The following ITGB3BP variants were observed in gnomAD, a reference collection of about 807,000 sequenced individuals.
The protein encoded by ITGB3BP is integrin subunit beta 3 binding protein.
In ITGB3BP, 27 loss-of-function variants were observed where a neutral mutation model predicts 29.1. The observed-to-expected ratio is 0.93, with a 90% CI of 0.68 to 1.28. The LOEUF (loss-of-function observed/expected upper bound fraction) is 1.28, where lower values mean the gene tolerates loss of function less well. Among genes scored for constraint, ITGB3BP ranks in the 50% most tolerant of loss-of-function variants. The probability of loss-of-function intolerance (pLI) is 0.00; values close to 1 mark genes in which losing one functional copy is unlikely to be tolerated. For synonymous variants in ITGB3BP, 61 were observed against 61.4 expected, an observed-to-expected ratio of 0.99 and a Z score of 0.03; for missense variants, 192 against 200.2, an observed-to-expected ratio of 0.96 and a Z score of 0.25.
chr1:63,488,672 A>G (rs1370696541), intron 3 of ITGB3BP, among the ~76,000 whole-genome samples: 3 of 152,094 alleles, frequency 2.0e-5, no homozygotes, highest in Admixed American at 6.6e-5. Context: ...AGAATTCTGG[A>G]CAAAATTCTG....
chr1:63,505,255 G>C (rs368260451), intron 2 of ITGB3BP, among the ~76,000 whole-genome samples: 7 of 152,046 alleles, frequency 4.6e-5, no homozygotes, highest in African/African-American at 7.2e-5. Flanking sequence ...TGTATGTGTC[G>C]AGGAATTTAT....
intron 1 of ITGB3BP, chr1:63,510,042 T>C: frequency 1.8e-6 from 1 of 562,242 alleles, no homozygotes; most frequent in Non-Finnish European, 3.3e-6. Context: ...TACAAAATAT[T>C]AGCCTAGCGT....
upstream of ITGB3BP, chr1:63,523,445 C>G (rs998198691): frequency 6.5e-6 from 3 of 458,396 alleles, no homozygotes; most frequent in Non-Finnish European, 1.2e-5. Context: ...TCTGTGCGCT[C>G]CGGATCAGCG....
chr1:63,455,972 T>G (rs982922191), intron 4 of ITGB3BP, among the ~76,000 whole-genome samples: 3 of 152,168 alleles, frequency 2.0e-5, no homozygotes, highest in African/African-American at 4.8e-5. Context: ...TATACTTTTT[T>G]CAAATCCAGG....
chr1:63,515,825 TAAAAAA>T (rs76881362), intron 1 of ITGB3BP, among the ~76,000 whole-genome samples: 1 of 48,592 alleles, frequency 2.1e-5, no homozygotes, highest in Non-Finnish European at 3.5e-5. Context: ...GACTCCAACT[TAAAAAA>T]AAAAAAAAAA....
At chr1:63,452,372 GA>G (rs1644871993) in intron 7 of ITGB3BP, among the ~76,000 whole-genome samples, 1 of 152,084 alleles carries the variant, frequency 6.6e-6, no homozygotes, top group African/African-American at 2.4e-5. Context: ...AGAATATATA[GA>G]AGCAAGATTT....
At chr1:63,510,769 A>AT (rs1646182936) in intron 1 of ITGB3BP, among the ~76,000 whole-genome samples, 1 of 152,110 alleles carries the variant, frequency 6.6e-6, no homozygotes, top group Admixed American at 6.6e-5. Flanking sequence ...GGGGAAGGGA[A>AT]TTAAAGAAGG....
intron 4 of ITGB3BP, among the ~76,000 whole-genome samples, chr1:63,462,167 G>A (rs72679030): frequency 0.018 from 2,813 of 152,218 alleles, 37 homozygotes; most frequent in Middle Eastern, 0.037. Context: ...AAAATGAATT[G>A]TAGTTTCTAG....
chr1:63,526,537 G>C (rs761165723), upstream of ITGB3BP, among the ~76,000 whole-genome samples: 2 of 152,154 alleles, frequency 1.3e-5, no homozygotes. Context: ...AGATCTATTT[G>C]AGGAAATGTA....
At chr1:63,499,634 A>G (rs772649662) in intron 2 of ITGB3BP, among the ~76,000 whole-genome samples, 2 of 152,220 alleles carry the variant, frequency 1.3e-5, no homozygotes, top group Non-Finnish European at 2.9e-5. Context: ...AAAGAATTAT[A>G]TGTCATAGCC....
chr1:63,479,984 T>C (rs1331907591), intron 3 of ITGB3BP, among the ~76,000 whole-genome samples: 1 of 152,156 alleles, frequency 6.6e-6, no homozygotes, highest in African/African-American at 2.4e-5. Context: ...CTGGGTCATA[T>C]GGTAGTTTTA....
rs1645385426 is a variant in ITGB3BP at position 63,478,752 on chromosome 1, T to C, written c.254+12A>G. Reference sequence around the variant, plus strand: ...AGATACACATATATAATTTCAAAAATAACAAACTTACTCATCATTGTCTTT... The same window carrying C: ...AGATACACATATATAATTTCAAAAACAACAAACTTACTCATCATTGTCTTT... On this transcript the variant is annotated intron_variant, in intron 4 of 8. Coordinates refer to ENST00000271002, the MANE Select transcript of ITGB3BP (RefSeq NM_014288.5). 2 of 1,324,614 alleles carry C rather than the reference T, an allele frequency of 1.5e-6. No homozygotes were observed. The highest frequency in any genetic ancestry group is 1.4e-5 in the South Asian group (1 of 72,832). 82.1% of individuals were successfully genotyped at this position (1,324,614 alleles called of 1,614,324 possible).
chr1:63,517,078 T>C (rs912891464), intron 1 of ITGB3BP, among the ~76,000 whole-genome samples: 1 of 151,440 alleles, frequency 6.6e-6, no homozygotes, highest in Non-Finnish European at 1.5e-5. Context: ...ACATGAAAAA[T>C]GAAATATAAA....
chr1:63,476,555 T>C (rs755946324), intron 4 of ITGB3BP, among the ~76,000 whole-genome samples: 5 of 152,218 alleles, frequency 3.3e-5, no homozygotes, highest in Non-Finnish European at 5.9e-5. Context: ...GCTCTTCCCT[T>C]GCTCCTTGAA....
intron 2 of ITGB3BP, among the ~76,000 whole-genome samples, chr1:63,499,529 T>C (rs1645873714): frequency 1.3e-5 from 2 of 152,140 alleles, no homozygotes; most frequent in African/African-American, 4.8e-5. Flanking sequence ...CCTAATTCTT[T>C]GAAGCCAGTA....
intron 7 of ITGB3BP, among the ~76,000 whole-genome samples, chr1:63,450,630 A>G (rs1323067622): frequency 2.6e-5 from 4 of 151,984 alleles, no homozygotes; most frequent in Non-Finnish European, 5.9e-5. Flanking sequence ...TCAGCATAAC[A>G]AATTTAAAAT....
chr1:63,471,069 T>C (rs561430610), intron 4 of ITGB3BP, among the ~76,000 whole-genome samples: 9 of 152,348 alleles, frequency 5.9e-5, no homozygotes, highest in African/African-American at 2.2e-4. Context: ...AATCTGCTCT[T>C]GTGAAGTACC....
intron 1 of ITGB3BP, among the ~76,000 whole-genome samples, chr1:63,516,372 G>C (rs1432872244): frequency 1.4e-5 from 2 of 138,688 alleles, no homozygotes; most frequent in Non-Finnish European, 3.1e-5. Context: ...GAGAAGGGGG[G>C]GGGAAGGGAA....
chr1:63,509,671 T>C (rs555184454), intron 1 of ITGB3BP, among the ~76,000 whole-genome samples: 63 of 152,308 alleles, frequency 4.1e-4, no homozygotes, highest in Non-Finnish European at 8.4e-4. Context: ...ATATCCACAT[T>C]ACCCTATCAC....
Sources: allele counts gnomAD v4.1 joint callset (sites outside exome capture counted in the v4.1 genomes callset), GRCh38; gene constraint gnomAD v4.1.1; transcripts MANE v1.5; gene names NCBI Gene and HGNC (gene_info 2026-07-23, HGNC 2026-07-21).